Variants in FER observed in about 807,000 individuals in gnomAD.
FER encodes the protein tyrosine-protein kinase Fer.
FER carries 63 observed loss-of-function variants against 111.0 expected under a neutral mutation model. The observed-to-expected ratio is 0.57, with a 90% CI of 0.46 to 0.70. The LOEUF is 0.70. Ranked by LOEUF, FER falls within the 30% of genes least tolerant of loss-of-function variation. FER has a pLI of 0.00. For missense variants in FER, 914 were observed against 954.0 expected (o/e 0.96, Z 0.55); for synonymous variants, 327 against 313.9 (o/e 1.04, Z -0.44).
intron 2 of FER, among the ~76,000 whole-genome samples, chr5:108,783,795 T>G (rs1754360308): frequency 1.3e-5 from 2 of 152,158 alleles, no homozygotes; most frequent in Admixed American, 6.6e-5. Flanking sequence ...AGTGTATATC[T>G]ATTGCTGGGG....
intron 5 of FER, among the ~76,000 whole-genome samples, chr5:108,838,417 A>G (rs925437738): frequency 1.3e-5 from 2 of 152,196 alleles, no homozygotes; most frequent in Admixed American, 6.5e-5. Flanking sequence ...AGAGCATCCA[A>G]TTAGAGAAGA....
chr5:109,030,250 G>T lies in FER; in HGVS notation c.1657-7172G>T, dbSNP rs543555549. Among the ~76,000 whole-genome samples the T allele has an allele frequency of 2.0e-5, 3 of 152,148 alleles. 1 individual carries two copies. The South Asian group carries it at 6.2e-4, about 32-fold the overall frequency. On this transcript the variant is annotated intron_variant, in intron 13 of 19. Coordinates refer to ENST00000281092, the MANE Select transcript of FER (RefSeq NM_005246.4). ...AAGGGAATTTGTAAGTGATTGTTGT[G>T]CATTTTTCTGGCAGCTTTAAAATCC...
intron 1 of FER, among the ~76,000 whole-genome samples, chr5:108,760,937 C>CT (rs55751843): frequency 1.1e-3 from 164 of 147,296 alleles, no homozygotes; most frequent in Middle Eastern, 3.5e-3. Flanking sequence ...CTTTTCTTTT[C>CT]TTTTTTTTTT....
intron 1 of FER, among the ~76,000 whole-genome samples, chr5:108,756,299 C>T (rs1347681831): frequency 6.6e-6 from 1 of 151,844 alleles, no homozygotes; most frequent in African/African-American, 2.4e-5. Context: ...CTTAAATTTT[C>T]ACTAAGGTTT....
At chr5:109,002,990 A>G (rs1490910157) in intron 13 of FER, among the ~76,000 whole-genome samples, 1 of 152,204 alleles carries the variant, frequency 6.6e-6, no homozygotes, top group Non-Finnish European at 1.5e-5. Flanking sequence ...GATGTGGAGA[A>G]ATAGGAACAC....
chr5:109,052,999 A>C (rs1773057278), intron 16 of FER, among the ~76,000 whole-genome samples: 1 of 152,224 alleles, frequency 6.6e-6, no homozygotes, highest in African/African-American at 2.4e-5. Context: ...GTCATTTGGA[A>C]AATATCAGAT....
At chr5:108,801,844 G>T (rs183480683) in intron 3 of FER, among the ~76,000 whole-genome samples, 6 of 152,178 alleles carry the variant, frequency 3.9e-5, no homozygotes, top group Admixed American at 2.0e-4. Context: ...GCAGTTTGGG[G>T]CTATTATTAA....
At chr5:108,889,410 A>C (rs1374903537) in intron 9 of FER, among the ~76,000 whole-genome samples, 2 of 151,928 alleles carry the variant, frequency 1.3e-5, no homozygotes, top group African/African-American at 4.8e-5. Context: ...CATGGATGGC[A>C]CTGGAGGTCA....
intron 13 of FER, among the ~76,000 whole-genome samples, chr5:109,011,049 GT>G (rs1341337456): frequency 3.9e-5 from 6 of 152,036 alleles, no homozygotes; most frequent in Non-Finnish European, 8.8e-5. Context: ...ATTCTTTTAG[GT>G]TTTTAAATAT....
chr5:108,843,175 C>T (rs59297048), intron 5 of FER, among the ~76,000 whole-genome samples: 34,581 of 152,070 alleles, frequency 0.23, 4,120 homozygotes, highest in African/African-American at 0.28. Context: ...TCAGGTTTTC[C>T]GTTCCTGGAT....
intron 3 of FER, among the ~76,000 whole-genome samples, chr5:108,816,504 C>T (rs184075608): frequency 3.9e-4 from 59 of 152,262 alleles, no homozygotes; most frequent in Non-Finnish European, 6.8e-4. Flanking sequence ...TGCTTCTTAA[C>T]GTTTAATATG....
chr5:109,026,648 T>C (rs1768778679), intron 13 of FER, among the ~76,000 whole-genome samples: 1 of 151,898 alleles, frequency 6.6e-6, no homozygotes, highest in Non-Finnish European at 1.5e-5. Flanking sequence ...AGTAGAAAAA[T>C]CTCTGAGAAT....
chr5:108,881,871 T>C (rs1765714131), intron 8 of FER, among the ~76,000 whole-genome samples: 1 of 152,096 alleles, frequency 6.6e-6, no homozygotes, highest in Non-Finnish European at 1.5e-5. Context: ...TACCATTATA[T>C]TGGGGGTTAG....
At chr5:108,934,168 G>A (rs1051690307) in intron 10 of FER, among the ~76,000 whole-genome samples, 5 of 152,086 alleles carry the variant, frequency 3.3e-5, no homozygotes, top group Non-Finnish European at 5.9e-5. Context: ...GATGCCCAGC[G>A]TTTGCTTGGC....
intron 17 of FER, among the ~76,000 whole-genome samples, chr5:109,120,825 G>C (rs1750871662): frequency 2.0e-5 from 3 of 151,804 alleles, no homozygotes; most frequent in Non-Finnish European, 4.4e-5. Context: ...TTGATTAGTT[G>C]ATTCTTAGCT....
rs945733963 is a variant in FER at position 109,006,828 on chromosome 5, G to A, written c.1657-30594G>A. 2.0e-5 allele frequency among the ~76,000 whole-genome samples: 3 copies of A among 151,504 alleles called. No homozygotes were observed. In the East Asian group the frequency reaches 5.8e-4, roughly 29 times the overall value. On this transcript the variant is annotated intron_variant, in intron 13 of 19. Transcript: ENST00000281092. ...TGAATGTGATGCTCATATGGTGGGG[G>A]GAAAAAAAATCTTACCTGCCTCACC... is the stretch of plus-strand genomic sequence containing the variant.
At position 108,774,329 on chromosome 5, in the gene FER, T is replaced by C. The variant is rs1753250183; in HGVS notation, c.-60+6091T>C. On this transcript the variant is annotated intron_variant, in intron 2 of 19. Coordinates refer to ENST00000281092, the MANE Select transcript of FER (RefSeq NM_005246.4). ...GATGGGCATTTGGGTTGGTTCTGTC[T>C]CTGCTATTTTAAATAGTGCTGCTGC... Among the ~76,000 whole-genome samples, 3 of 152,210 alleles carry C rather than the reference T, an allele frequency of 2.0e-5. No homozygotes were observed. The South Asian group carries it at 6.2e-4, about 32-fold the overall frequency.
At chr5:109,046,440 A>G (rs967271980) in intron 15 of FER, among the ~76,000 whole-genome samples, 1 of 152,172 alleles carries the variant, frequency 6.6e-6, no homozygotes, top group Non-Finnish European at 1.5e-5. Flanking sequence ...CTAAAACCAG[A>G]TATTATAATT....
In FER at chr5:108,897,810, G is replaced by C. The variant is rs1749372173; in HGVS notation, c.1198G>C (p.Val400Leu). 1.2e-6 allele frequency: 2 copies of C among 1,612,378 alleles called. No individual in the cohort carries two copies. The highest frequency in any genetic ancestry group is 2.7e-5 in the African/African-American group (2 of 74,784). Residue 400 changes from valine (V) to leucine (L), a missense_variant, in exon 10 of 20, where the codon GTA (valine) becomes CTA (leucine). By Grantham distance (32) the Val-to-Leu change is conservative. This residue lies in a region of FER where 774 missense variants were observed against 782.6 expected (regional missense o/e 0.99). Coordinates refer to ENST00000281092, the MANE Select transcript of FER (RefSeq NM_005246.4). ...ENDGKEPPPV[V>L]NYEEDARSVT... Reference sequence around the variant, plus strand: ...TGATGGGAAAGAGCCACCTCCAGTAGTAAATTATGAAGAAGATGCACGATC... The same window carrying C: ...TGATGGGAAAGAGCCACCTCCAGTACTAAATTATGAAGAAGATGCACGATC...
Sources: allele counts gnomAD v4.1 joint callset (sites outside exome capture counted in the v4.1 genomes callset), GRCh38; gene constraint gnomAD v4.1.1; regional missense constraint gnomAD v4.1.1; transcripts MANE v1.5; gene names NCBI Gene and HGNC (gene_info 2026-07-23, HGNC 2026-07-21).